Variants in INPP5A observed in about 807,000 individuals in gnomAD.
The protein encoded by INPP5A is inositol polyphosphate-5-phosphatase A.
Under a neutral mutation model 65.2 loss-of-function variants are expected in INPP5A, and 14 were observed. That is an observed-to-expected ratio of 0.21 (90% CI 0.14 to 0.34). The LOEUF is 0.34. Ranked by LOEUF, INPP5A falls within the 10% of genes least tolerant of loss-of-function variation. INPP5A has a pLI of 1.00. For missense variants in INPP5A, 431 were observed against 545.6 expected (o/e 0.79, Z 2.09); for synonymous variants, 207 against 208.3 (o/e 0.99, Z 0.05).
At chr10:132,769,317 G>C (rs187686802) in intron 12 of INPP5A, among the ~76,000 whole-genome samples, 2 of 152,354 alleles carry the variant, frequency 1.3e-5, no homozygotes, top group East Asian at 3.9e-4. Flanking sequence ...TTTAGGGACA[G>C]CCACAAAAGT....
At chr10:132,721,601 C>T (rs1485837657) in intron 8 of INPP5A, among the ~76,000 whole-genome samples, 1 of 149,142 alleles carries the variant, frequency 6.7e-6, no homozygotes, top group Non-Finnish European at 1.5e-5. Flanking sequence ...TCTGTGGTAC[C>T]TGGGTTCTGT....
At chr10:132,630,842 G>A (rs1287687400) in intron 2 of INPP5A, among the ~76,000 whole-genome samples, 1 of 152,200 alleles carries the variant, frequency 6.6e-6, no homozygotes, top group Non-Finnish European at 1.5e-5. Context: ...GAGCTGATTT[G>A]TGGGAGCTTC....
chr10:132,728,635 A>T (rs1266947815), intron 9 of INPP5A, among the ~76,000 whole-genome samples: 2 of 152,222 alleles, frequency 1.3e-5, no homozygotes, highest in Non-Finnish European at 2.9e-5. Flanking sequence ...TCTGACTGGG[A>T]GGGGCCAGGA....
At chr10:132,757,917 G>GT in intron 11 of INPP5A, among the ~76,000 whole-genome samples, 1 of 147,676 alleles carries the variant, frequency 6.8e-6, no homozygotes. Context: ...GTGCGATGTC[G>GT]TGGGTCCTTG....
At chr10:132,604,569 T>C (rs1014564738) in intron 1 of INPP5A, among the ~76,000 whole-genome samples, 3 of 152,196 alleles carry the variant, frequency 2.0e-5, no homozygotes, top group African/African-American at 7.2e-5. Flanking sequence ...CAGAGCTCAA[T>C]AGTAGTTGAA....
intron 2 of INPP5A, among the ~76,000 whole-genome samples, chr10:132,643,956 C>T (rs558428529): frequency 9.7e-4 from 147 of 152,274 alleles, no homozygotes; most frequent in African/African-American, 3.2e-3. Context: ...CGTGGCAGAT[C>T]TCAAGCCCAC....
At chr10:132,738,511 G>A (rs913551035) in intron 9 of INPP5A, among the ~76,000 whole-genome samples, 1 of 152,228 alleles carries the variant, frequency 6.6e-6, no homozygotes, top group African/African-American at 2.4e-5. Flanking sequence ...GCCGGGCAGG[G>A]CCAGTCCTGT....
chr10:132,630,083 G>A (rs979624881), intron 2 of INPP5A, among the ~76,000 whole-genome samples: 3 of 152,188 alleles, frequency 2.0e-5, no homozygotes, highest in African/African-American at 7.2e-5. Context: ...TACCCTCTAG[G>A]GAAAGACATC....
intron 4 of INPP5A, among the ~76,000 whole-genome samples, chr10:132,682,385 T>C (rs955788233): frequency 3.3e-5 from 5 of 152,224 alleles, no homozygotes; most frequent in African/African-American, 1.2e-4. Context: ...GTGGGTACGA[T>C]GGTCAAGTTT....
chr10:132,730,345 C>T (rs1006396550), intron 9 of INPP5A, among the ~76,000 whole-genome samples: 1 of 152,236 alleles, frequency 6.6e-6, no homozygotes, highest in African/African-American at 2.4e-5. Context: ...GTGGGCGAGT[C>T]GGGTGACAGA....
At chr10:132,766,316 T>G (rs140529852) in intron 12 of INPP5A, among the ~76,000 whole-genome samples, 63 of 152,388 alleles carry the variant, frequency 4.1e-4, no homozygotes, top group African/African-American at 1.4e-3. Context: ...AAAAAAGGTT[T>G]TTTCCAATAT....
At chr10:132,699,018 G>C (rs150958175) in intron 6 of INPP5A, among the ~76,000 whole-genome samples, 13 of 152,240 alleles carry the variant, frequency 8.5e-5, no homozygotes, top group Non-Finnish European at 1.5e-4. Context: ...CCAGCCTCCT[G>C]TCCTCGGTCC....
chr10:132,558,616 G>A (rs918556850), intron 1 of INPP5A, among the ~76,000 whole-genome samples: 12 of 152,318 alleles, frequency 7.9e-5, no homozygotes, highest in Middle Eastern at 6.8e-3. Flanking sequence ...GATGAGGAGC[G>A]CTGTTGGAGG....
chr10:132,631,439 G>A (rs1564941498), intron 2 of INPP5A, among the ~76,000 whole-genome samples: 3 of 152,234 alleles, frequency 2.0e-5, no homozygotes, highest in Admixed American at 1.3e-4. Flanking sequence ...GTGTTTTCCA[G>A]GCGTCGTTGG....
At chr10:132,692,066 T>C (rs889920680) in intron 5 of INPP5A, among the ~76,000 whole-genome samples, 1 of 151,758 alleles carries the variant, frequency 6.6e-6, no homozygotes, top group African/African-American at 2.4e-5. Context: ...GGCTGGGCGG[T>C]TGGGCTCGAG....
intron 1 of INPP5A, among the ~76,000 whole-genome samples, chr10:132,590,968 C>T (rs1225215630): frequency 4.6e-5 from 7 of 152,180 alleles, no homozygotes; most frequent in Admixed American, 2.0e-4. Flanking sequence ...CTTCTTGTGC[C>T]ATCAGCTCTG....
intron 4 of INPP5A, among the ~76,000 whole-genome samples, chr10:132,688,727 CATGA>C (rs1415124600): frequency 6.7e-6 from 1 of 149,038 alleles, no homozygotes; most frequent in African/African-American, 2.5e-5. Context: ...GCATTGTGTG[CATGA>C]ATGTGTGCAA....
chr10:132,556,229 G>T (rs1410958597), intron 1 of INPP5A, among the ~76,000 whole-genome samples: 1 of 152,198 alleles, frequency 6.6e-6, no homozygotes, highest in East Asian at 1.9e-4. Flanking sequence ...TGCAGGCATT[G>T]TGAGGTCATG....
intron 6 of INPP5A, among the ~76,000 whole-genome samples, chr10:132,701,729 G>C (rs1845440692): frequency 6.6e-6 from 1 of 152,086 alleles, no homozygotes; most frequent in Non-Finnish European, 1.5e-5. Flanking sequence ...ATGACTCTGG[G>C]GACCTCCTTC....
Sources: gnomAD v4.1 joint callset for allele counts (sites outside exome capture counted in the v4.1 genomes callset) on GRCh38, gnomAD v4.1.1 for gene constraint, MANE v1.5 for transcripts, NCBI Gene and HGNC (gene_info 2026-07-23, HGNC 2026-07-21) for gene names.